The following ARID1B variants were observed in gnomAD, a reference collection of about 807,000 sequenced individuals.
The protein encoded by ARID1B is AT-rich interaction domain 1B, also known as AT-rich interactive domain-containing protein 1B.
A neutral mutation model predicts 212.3 loss-of-function variants in ARID1B; 30 were observed. The observed-to-expected ratio is 0.14, with a 90% CI of 0.11 to 0.19. ARID1B has a LOEUF of 0.19. Ranked by LOEUF, ARID1B falls within the 10% of genes least tolerant of loss-of-function variation. ARID1B has a pLI of 1.00. For missense variants in ARID1B, 2,891 were observed against 3,204.0 expected (o/e 0.90, Z 2.36); for synonymous variants, 1,402 against 1,301.7 (o/e 1.08, Z -1.66).
intron 2 of ARID1B, among the ~76,000 whole-genome samples, chr6:156,891,772 T>C (rs1787942805): frequency 6.6e-6 from 1 of 152,172 alleles, no homozygotes; most frequent in South Asian, 2.1e-4. Context: ...GATGGACATT[T>C]AAACATTTAG....
intron 4 of ARID1B, among the ~76,000 whole-genome samples, chr6:157,069,773 G>T (rs1435520092): frequency 3.3e-5 from 5 of 152,160 alleles, no homozygotes; most frequent in Non-Finnish European, 7.4e-5. Flanking sequence ...GTAATGAGAG[G>T]TTGCAAGCTA....
chr6:156,830,981 C>G (rs1433804044), intron 2 of ARID1B, among the ~76,000 whole-genome samples: 1 of 152,194 alleles, frequency 6.6e-6, no homozygotes, highest in Admixed American at 6.5e-5. Flanking sequence ...ACTCCGAATT[C>G]TAGCAGTCAG....
chr6:156,930,766 C>T (rs1791628928), intron 3 of ARID1B, among the ~76,000 whole-genome samples: 1 of 151,650 alleles, frequency 6.6e-6, no homozygotes, highest in Non-Finnish European at 1.5e-5. Flanking sequence ...ATGAGCTCTA[C>T]AATATATTAA....
At chr6:156,927,865 C>T (rs917686545) in intron 3 of ARID1B, among the ~76,000 whole-genome samples, 3 of 152,160 alleles carry the variant, frequency 2.0e-5, no homozygotes, top group African/African-American at 7.2e-5. Context: ...ATAGCATCCC[C>T]GTCTTAGAAA....
chr6:157,196,361 T>G (rs567249769), intron 16 of ARID1B, 46 bp downstream of exon 16: 1 of 1,569,262 alleles, frequency 6.4e-7, no homozygotes, highest in South Asian at 1.2e-5. Flanking sequence ...CTAGAAACCG[T>G]GCTTTCCTCA....
chr6:156,785,075 A>T lies in ARID1B; in HGVS notation c.1791+5604A>T, dbSNP rs372804804. Among the ~76,000 whole-genome samples the T allele has an allele frequency of 2.9e-4, 44 of 152,272 alleles. No individual in the cohort carries two copies. The South Asian group carries it at 8.9e-3, about 31-fold the overall frequency. Reference sequence around the variant, plus strand: ...CTGCCAGGCAAGATTTACTTACTTAAATAGGATCCAGTAGGCAGTTTTCAA... The same window carrying T: ...CTGCCAGGCAAGATTTACTTACTTATATAGGATCCAGTAGGCAGTTTTCAA... On this transcript the variant is annotated intron_variant, in intron 1 of 19. Transcript: ENST00000636930.
chr6:157,171,721 T>TA, intron 9 of ARID1B, among the ~76,000 whole-genome samples: 1 of 152,292 alleles, frequency 6.6e-6, no homozygotes, highest in Admixed American at 6.5e-5. Flanking sequence ...ATGCCTGTTT[T>TA]AAAATATATA....
At chr6:157,122,972 G>A (rs546597160) in intron 6 of ARID1B, among the ~76,000 whole-genome samples, 52 of 152,172 alleles carry the variant, frequency 3.4e-4, no homozygotes, top group Middle Eastern at 3.4e-3. Context: ...ATGAGCCACC[G>A]TGCCCGGCCA....
intron 4 of ARID1B, among the ~76,000 whole-genome samples, chr6:156,949,304 G>T (rs2128302013): frequency 6.6e-6 from 1 of 152,182 alleles, no homozygotes; most frequent in African/African-American, 2.4e-5. Context: ...TATGCACGTT[G>T]TTGTTTGACA....
intron 4 of ARID1B, among the ~76,000 whole-genome samples, chr6:157,050,197 A>G (rs1782505543): frequency 6.6e-6 from 1 of 151,912 alleles, no homozygotes; most frequent in Non-Finnish European, 1.5e-5. Context: ...CATCAATGAA[A>G]CCCCCTGTAC....
intron 4 of ARID1B, among the ~76,000 whole-genome samples, chr6:157,017,024 G>A (rs1220176916): frequency 6.6e-6 from 1 of 152,212 alleles, no homozygotes; most frequent in Admixed American, 6.5e-5. Context: ...AATAAAACAT[G>A]TTATCAAAAT....
At chr6:156,978,904 C>T (rs1367937102) in intron 4 of ARID1B, among the ~76,000 whole-genome samples, 1 of 152,158 alleles carries the variant, frequency 6.6e-6, no homozygotes, top group African/African-American at 2.4e-5. Flanking sequence ...AAATTTCTCT[C>T]CATTTTCTAT....
chr6:156,903,880 TTAG>T (rs1212205771), intron 3 of ARID1B, among the ~76,000 whole-genome samples: 2 of 152,198 alleles, frequency 1.3e-5, no homozygotes, highest in Non-Finnish European at 2.9e-5. Flanking sequence ...TTAGCAAGTA[TTAG>T]TAGTACTTGG....
intron 11 of ARID1B, among the ~76,000 whole-genome samples, chr6:157,176,329 T>C (rs1792102288): frequency 6.6e-6 from 1 of 152,194 alleles, no homozygotes. Flanking sequence ...GATGTCTTTG[T>C]GTTATTTGCT....
rs1226022064 is a variant in ARID1B at position 156,777,425 on chromosome 6, A to G, written c.-256A>G. 3 of 151,014 alleles carry G rather than the reference A, an allele frequency of 2.0e-5. No homozygotes were observed. The East Asian group carries it at 5.8e-4, about 29-fold the overall frequency. 9.4% of individuals were successfully genotyped at this position (151,014 alleles called of 1,614,324 possible). ...CTCAGCTAGTCGTGTATTTACCCAT[A>G]TCCGGGCTAGAGAGGAAAAGAGAAA... On this transcript the variant is annotated 5_prime_UTR_variant, in exon 1 of 20. In the 5' UTR this introduces an upstream ATG that the reference lacks. Coordinates refer to ENST00000636930, the MANE Select transcript of ARID1B (RefSeq NM_001374828.1).
chr6:157,140,007 A>C (rs1358689715), intron 7 of ARID1B, among the ~76,000 whole-genome samples: 1 of 151,948 alleles, frequency 6.6e-6, no homozygotes, highest in African/African-American at 2.4e-5. Flanking sequence ...TACAGGTATG[A>C]GCCACCGTGC....
intron 2 of ARID1B, among the ~76,000 whole-genome samples, chr6:156,838,832 A>G (rs1387273066): frequency 1.3e-5 from 2 of 152,170 alleles, no homozygotes; most frequent in African/African-American, 2.4e-5. Context: ...AAAGCCCAGA[A>G]TAATTATTGG....
At chr6:157,027,892 C>T (rs1780760453) in intron 4 of ARID1B, among the ~76,000 whole-genome samples, 1 of 152,182 alleles carries the variant, frequency 6.6e-6, no homozygotes, top group Admixed American at 6.5e-5. Context: ...ACCTTAGCCA[C>T]AATTTTTATC....
intron 4 of ARID1B, among the ~76,000 whole-genome samples, chr6:157,027,916 G>A (rs1056466956): frequency 2.0e-4 from 30 of 152,084 alleles, no homozygotes; most frequent in Non-Finnish European, 3.5e-4. Context: ...TAGTACTTCC[G>A]TTGATTTATC....
Sources: gnomAD v4.1 joint callset for allele counts (sites outside exome capture counted in the v4.1 genomes callset) on GRCh38, gnomAD v4.1.1 for gene constraint, MANE v1.5 for transcripts, NCBI Gene and HGNC (gene_info 2026-07-23, HGNC 2026-07-21) for gene names.